Variants in SGCZ observed in about 807,000 individuals in gnomAD.
The protein encoded by SGCZ is sarcoglycan zeta.
In SGCZ, 40 loss-of-function variants were observed where a neutral mutation model predicts 41.3. The ratio of observed to expected loss-of-function variants is 0.97; its 90% confidence interval spans 0.75 to 1.26. The LOEUF (loss-of-function observed/expected upper bound fraction) is 1.26, where lower values mean the gene tolerates loss of function less well. Among genes scored for constraint, SGCZ ranks in the 50% most tolerant of loss-of-function variants. The pLI is 0.00. For synonymous variants in SGCZ, 206 were observed against 137.5 expected (o/e 1.50, Z -3.49); for missense variants, 552 against 369.8 (o/e 1.49, Z -4.04).
intron 1 of SGCZ, among the ~76,000 whole-genome samples, chr8:14,811,472 C>T (rs572600549): frequency 1.1e-4 from 15 of 130,594 alleles, no homozygotes; most frequent in African/African-American, 4.0e-4. Flanking sequence ...GTCAGAGATA[C>T]TAAGTGACTT....
chr8:14,661,325 A>G (rs948042822), intron 1 of SGCZ, among the ~76,000 whole-genome samples: 1 of 152,164 alleles, frequency 6.6e-6, no homozygotes, highest in Non-Finnish European at 1.5e-5. Context: ...AAATATATGA[A>G]TGCATTTGGA....
At chr8:14,492,132 T>G (rs903110346) in intron 2 of SGCZ, among the ~76,000 whole-genome samples, 2 of 152,208 alleles carry the variant, frequency 1.3e-5, no homozygotes, top group African/African-American at 2.4e-5. Flanking sequence ...ATAATAGATG[T>G]GTTAAAATGT....
chr8:14,722,375 T>C (rs1809914308), intron 1 of SGCZ, among the ~76,000 whole-genome samples: 1 of 152,080 alleles, frequency 6.6e-6, no homozygotes, highest in Admixed American at 6.6e-5. Context: ...CTAATAATAA[T>C]TGATTTTATA....
At chr8:14,844,671 C>G (rs1803041466) in intron 1 of SGCZ, among the ~76,000 whole-genome samples, 3 of 152,124 alleles carry the variant, frequency 2.0e-5, no homozygotes, top group Admixed American at 2.0e-4. Context: ...ATACAGCTAA[C>G]AAACATATTT....
intron 6 of SGCZ, among the ~76,000 whole-genome samples, chr8:14,106,365 C>T (rs1454729462): frequency 6.6e-6 from 1 of 152,196 alleles, no homozygotes; most frequent in Non-Finnish European, 1.5e-5. Context: ...ACACACACTC[C>T]TCAGCACTGC....
intron 5 of SGCZ, among the ~76,000 whole-genome samples, chr8:14,148,463 A>G (rs186140194): frequency 2.0e-5 from 3 of 152,154 alleles, no homozygotes; most frequent in Admixed American, 6.5e-5. Context: ...GACACATACC[A>G]TCTCCAGAGA....
chr8:15,160,772 T>C (rs1799487963), intron 1 of SGCZ, among the ~76,000 whole-genome samples: 1 of 152,204 alleles, frequency 6.6e-6, no homozygotes, highest in Non-Finnish European at 1.5e-5. Context: ...CTCTTGTCAG[T>C]TGAGGGCCAC....
At chr8:15,132,728 G>A (rs942334238) in intron 1 of SGCZ, among the ~76,000 whole-genome samples, 1 of 152,156 alleles carries the variant, frequency 6.6e-6, no homozygotes, top group Non-Finnish European at 1.5e-5. Context: ...CTTGAGATTA[G>A]TCATTATTGG....
chr8:14,810,443 C>T (rs1391277707), intron 1 of SGCZ, among the ~76,000 whole-genome samples: 1 of 151,682 alleles, frequency 6.6e-6, no homozygotes, highest in Non-Finnish European at 1.5e-5. Context: ...CCAAATACTT[C>T]CACTAACACA....
chr8:14,412,114 G>A (rs1799376873), intron 2 of SGCZ, among the ~76,000 whole-genome samples: 1 of 152,040 alleles, frequency 6.6e-6, no homozygotes, highest in South Asian at 2.1e-4. Flanking sequence ...AACAGTATGT[G>A]TCATATGGTA....
At chr8:15,028,746 G>T (rs1165725972) in intron 1 of SGCZ, among the ~76,000 whole-genome samples, 1 of 151,992 alleles carries the variant, frequency 6.6e-6, no homozygotes, top group Non-Finnish European at 1.5e-5. Context: ...CGAGAGATAG[G>T]TTCTTTTATT....
At chr8:14,141,011 A>C (rs1364868160) in intron 5 of SGCZ, among the ~76,000 whole-genome samples, 1 of 152,154 alleles carries the variant, frequency 6.6e-6, no homozygotes, top group Non-Finnish European at 1.5e-5. Context: ...CCTCAGAAAT[A>C]ATACCGCACA....
At chr8:14,633,148 C>G (rs997960839) in intron 1 of SGCZ, among the ~76,000 whole-genome samples, 1 of 151,926 alleles carries the variant, frequency 6.6e-6, no homozygotes, top group Non-Finnish European at 1.5e-5. Context: ...AATGCATTAG[C>G]ATGTCATGAA....
chr8:14,091,251 G>C (rs546519187), intron 7 of SGCZ, among the ~76,000 whole-genome samples: 14 of 151,756 alleles, frequency 9.2e-5, no homozygotes, highest in African/African-American at 3.1e-4. Flanking sequence ...GGACATTTGG[G>C]TTGGTCCCAA....
Position 15,140,004 on chromosome 8 carries a change from C to A in SGCZ, c.39+97581G>T, listed in dbSNP as rs185744366. Among the ~76,000 whole-genome samples the A allele has an allele frequency of 2.5e-4, 38 of 151,808 alleles. 1 individual carries two copies. The highest frequency in any genetic ancestry group is 9.0e-4 in the African/African-American group (37 of 41,302). ...TTAAAGTTGGTGGGGGTTGGGGGGA[C>A]GGACACTGGTTATAAAGCCTTTTTT... On this transcript the variant is annotated intron_variant, in intron 1 of 7. Transcript: ENST00000382080.
intron 3 of SGCZ, among the ~76,000 whole-genome samples, chr8:14,299,638 C>A (rs1299233432): frequency 6.6e-6 from 1 of 151,824 alleles, no homozygotes; most frequent in Non-Finnish European, 1.5e-5. Flanking sequence ...TCTTTAAAAA[C>A]CTAAACAGAC....
At chr8:14,588,695 T>G (rs1470289758) in intron 1 of SGCZ, among the ~76,000 whole-genome samples, 1 of 152,032 alleles carries the variant, frequency 6.6e-6, no homozygotes, top group Non-Finnish European at 1.5e-5. Context: ...AGAAATGTCA[T>G]CTCTCTGAAT....
chr8:14,350,292 G>C (rs1188607826), intron 2 of SGCZ, among the ~76,000 whole-genome samples: 1 of 151,900 alleles, frequency 6.6e-6, no homozygotes, highest in African/African-American at 2.4e-5. Flanking sequence ...TGAAGATCTG[G>C]GGATATGCAT....
chr8:14,651,560 C>T (rs907898283), intron 1 of SGCZ, among the ~76,000 whole-genome samples: 2 of 151,952 alleles, frequency 1.3e-5, no homozygotes, highest in African/African-American at 4.8e-5. Context: ...TTTTCTTAAT[C>T]TTTTTTTCTT....
Sources: gnomAD v4.1 joint callset for allele counts (sites outside exome capture counted in the v4.1 genomes callset) on GRCh38, gnomAD v4.1.1 for gene constraint, MANE v1.5 for transcripts, NCBI Gene and HGNC (gene_info 2026-07-23, HGNC 2026-07-21) for gene names.